PALMD: variants seen among roughly 807,000 people sequenced by gnomAD.
PALMD encodes the protein palmdelphin, also known as paralemmin-like protein.
Under a neutral mutation model 56.2 loss-of-function variants are expected in PALMD, and 42 were observed. That is an observed-to-expected ratio of 0.75 (90% CI 0.58 to 0.97). The LOEUF (loss-of-function observed/expected upper bound fraction) is 0.97. Among genes scored for constraint, PALMD ranks in the 50% least tolerant of loss-of-function variants. The pLI is 0.00. For missense variants in PALMD, 660 were observed against 643.8 expected (o/e 1.03, Z -0.27); for synonymous variants, 242 against 222.9 (o/e 1.09, Z -0.76).
Position 99,646,907 on chromosome 1 carries a change from G to A in PALMD, c.45+545G>A, listed in dbSNP as rs1051451401. ...TAAGCATTAAACAAGAGAAAACTAG[G>A]TAAAAGCACGTATCAGATTAATTCT... On this transcript the variant is annotated intron_variant, in intron 1 of 7. Transcript: ENST00000263174. Among the ~76,000 whole-genome samples, 9 of 152,034 alleles carry A rather than the reference G, an allele frequency of 5.9e-5. No individual in the cohort carries two copies. In the South Asian group the frequency reaches 1.9e-3, roughly 32 times the overall value.
chr1:99,666,519 A>G (rs1298699431), intron 2 of PALMD, among the ~76,000 whole-genome samples: 1 of 152,152 alleles, frequency 6.6e-6, no homozygotes, highest in Non-Finnish European at 1.5e-5. Context: ...ACAAACACAC[A>G]AAGTTATTCT....
rs748165851 is a variant in PALMD, at chr1:99,686,783, T to G, written c.359T>G (p.Ile120Ser). The G allele has an allele frequency of 7.8e-6, 12 of 1,543,878 alleles. No homozygotes were observed. The Admixed American group carries it at 2.1e-4, about 26-fold the overall frequency. The change falls in exon 4 of 8, where the codon ATT (isoleucine) becomes AGT (serine). Residue 120 changes from isoleucine (I) to serine (S), a missense_variant. Physicochemically the swap from Ile to Ser is moderately radical, Grantham distance 142. Coordinates refer to ENST00000263174, the MANE Select transcript of PALMD (RefSeq NM_017734.5). The stretch of plus-strand genomic sequence containing the variant: ...TCAATTGAGCGGACAACAGAAGACA[T>G]TATAAGAGTGAGCATTAACCAATTT... ...LKSIERTTED[I>S]IRSVKVEREE...
chr1:99,646,249 C>A lies in PALMD; in HGVS notation c.-69C>A. On this transcript the variant is annotated 5_prime_UTR_variant, in exon 1 of 8. Coordinates refer to ENST00000263174, the MANE Select transcript of PALMD (RefSeq NM_017734.5). ...TCTTCTGTCACCCCCGCTCCTCTCCCCCAGGAGGCTCCTTGATTTATGGTA... is the reference window on the plus strand; with the variant it reads ...TCTTCTGTCACCCCCGCTCCTCTCCACCAGGAGGCTCCTTGATTTATGGTA... 7.9e-7 allele frequency: 1 copy of A among 1,268,078 alleles called. No homozygotes were observed. The highest frequency in any genetic ancestry group is 1.2e-5 in the South Asian group (1 of 84,064). 78.6% of individuals were successfully genotyped at this position (1,268,078 alleles called of 1,614,324 possible).
In PALMD at chr1:99,694,229, C is replaced by T. The variant is rs950803455; in HGVS notation, c.*167C>T. 4.0e-5 allele frequency: 18 copies of T among 453,668 alleles called. No individual in the cohort carries two copies. In the East Asian group the frequency reaches 4.3e-4, roughly 11 times the overall value. The allele number at this position is 453,668 out of a possible 1,614,324, so 28.1% of individuals were successfully genotyped here. ...TAGTAGTCATTATTTGTGAAAAATT[C>T]CCAAAAAGCTGGGGAAAACAAATGT... On this transcript the variant is annotated 3_prime_UTR_variant, in exon 8 of 8. Transcript: ENST00000263174.
intron 1 of PALMD, among the ~76,000 whole-genome samples, chr1:99,660,283 T>C (rs1362110646): frequency 1.3e-5 from 2 of 152,196 alleles, no homozygotes; most frequent in Non-Finnish European, 2.9e-5. Context: ...GCACAGTGAA[T>C]TGGCTAGGAG....
chr1:99,680,686 G>A (rs1653321436), intron 3 of PALMD, among the ~76,000 whole-genome samples: 1 of 152,098 alleles, frequency 6.6e-6, no homozygotes, highest in South Asian at 2.1e-4. Flanking sequence ...GTGAAAGTTA[G>A]AGAGTTACCC....
chr1:99,646,405 G>GA lies in PALMD; in HGVS notation c.45+44dup. The GA allele has an allele frequency of 2.0e-6, 3 of 1,499,886 alleles. No individual in the cohort carries two copies. In the African/African-American group the frequency reaches 4.1e-5, roughly 21 times the overall value. 92.9% of individuals were successfully genotyped at this position (1,499,886 alleles called of 1,614,324 possible). A position where few individuals can be genotyped will look rare whatever the true frequency, so the allele number is the denominator to read the frequency against. ...TATAACTCATTAACGTTGTTACTTAGAGGAAGGCAGACCGTGGCCGGCTGC... is the reference window on the plus strand; with the variant it reads ...TATAACTCATTAACGTTGTTACTTAGAAGGAAGGCAGACCGTGGCCGGCTGC... On this transcript the variant is annotated intron_variant, in intron 1 of 7. Coordinates refer to ENST00000263174, the MANE Select transcript of PALMD (RefSeq NM_017734.5).
intron 3 of PALMD, among the ~76,000 whole-genome samples, chr1:99,673,492 G>A (rs1455437028): frequency 6.6e-6 from 1 of 151,704 alleles, no homozygotes; most frequent in African/African-American, 2.4e-5. Context: ...AAAAAAAAGA[G>A]GCGAAAAAAA....
At chr1:99,683,057 AG>A (rs1437529723) in intron 3 of PALMD, among the ~76,000 whole-genome samples, 186 of 11,106 alleles carry the variant, frequency 0.017, 27 homozygotes, top group African/African-American at 0.035. Flanking sequence ...AGAAAGAAAG[AG>A]AGAGAGAGAG....
intron 3 of PALMD, among the ~76,000 whole-genome samples, chr1:99,683,066 G>A (rs374428125): frequency 0.024 from 403 of 16,500 alleles, 47 homozygotes; most frequent in East Asian, 0.098. Context: ...GAGAGAGAGA[G>A]AGAGAGAGAG....
chr1:99,667,703 AG>A lies in PALMD; in HGVS notation c.189del (p.Met64Ter). 3 of 1,613,416 alleles carry A rather than the reference AG, an allele frequency of 1.9e-6. No homozygotes were observed. The highest frequency in any genetic ancestry group is 2.5e-6 in the Non-Finnish European group (3 of 1,179,454). On this transcript the variant is annotated frameshift_variant, in exon 3 of 8. Coordinates refer to ENST00000263174, the MANE Select transcript of PALMD (RefSeq NM_017734.5). LOFTEE classifies it high-confidence loss of function. ...ATCAGCAGCGGAAAAGAACAGGAAG[AG>A]ATGAAGAAGCAAAATCAACAAGACC... is the stretch of plus-strand genomic sequence containing the variant. The part of the protein sequence containing the change: ...DGISSGKEQE[E>X]MKKQNQQDQH...
intron 3 of PALMD, chr1:99,685,327 T>G (rs898959737): frequency 2.0e-5 from 3 of 152,156 alleles, no homozygotes; most frequent in African/African-American, 7.2e-5. Flanking sequence ...AGCTTTCCCC[T>G]TTACCAAATT....
chr1:99,689,202 A>T lies in PALMD; in HGVS notation c.942A>T (p.Gly314=). ...GCAATGGTCTTTCAGAGGAAAGGGG[A>T]AACAACTTCAATCACATCAGTCCCA... The part of the protein sequence containing the change: ...NMGNGLSEER[G]NNFNHISPIP... Residue 314 remains glycine (G), a synonymous_variant, in exon 7 of 8, where the codon GGA becomes GGT. Coordinates refer to ENST00000263174, the MANE Select transcript of PALMD (RefSeq NM_017734.5). The T allele has an allele frequency of 6.2e-7, 1 of 1,613,526 alleles. No individual in the cohort carries two copies. Among genetic ancestry groups the T allele is most frequent in the Non-Finnish European group, 8.5e-7 (1 of 1,179,732 alleles).
intron 2 of PALMD, among the ~76,000 whole-genome samples, chr1:99,663,216 G>T (rs2100859663): frequency 6.6e-6 from 1 of 152,102 alleles, no homozygotes; most frequent in East Asian, 1.9e-4. Context: ...ACAAGTACCT[G>T]CCTCTGAAAA....
At chr1:99,667,484 A>T (rs1266325477) in intron 2 of PALMD, 158 bp from the exon 3 acceptor site, 2 of 680,362 alleles carry the variant, frequency 2.9e-6, no homozygotes, top group Non-Finnish European at 5.2e-6. Flanking sequence ...GAAGGTTACA[A>T]TGAAAGAAAA....
At chr1:99,683,596 T>C (rs1200805343) in intron 3 of PALMD, 1 of 152,226 alleles carries the variant, frequency 6.6e-6, no homozygotes, top group African/African-American at 2.4e-5. Context: ...TTCTCACCCT[T>C]CTACTGGCAA....
Position 99,646,158 on chromosome 1 carries a change from G to T in PALMD, c.-160G>T, listed in dbSNP as rs914115207. ...CTGATCTGTGCATCTGCTCGGAGACGCTCCTGACAAGTCGGGAATTTCTCT... is the reference window on the plus strand; with the variant it reads ...CTGATCTGTGCATCTGCTCGGAGACTCTCCTGACAAGTCGGGAATTTCTCT... On this transcript the variant is annotated 5_prime_UTR_variant, in exon 1 of 8. Transcript: ENST00000263174. The T allele has an allele frequency of 2.0e-5, 13 of 637,558 alleles. 1 individual carries two copies. Among genetic ancestry groups the T allele is most frequent in the African/African-American group, 1.7e-4 (9 of 54,526 alleles). The allele number at this position is 637,558 out of a possible 1,614,324, so 39.5% of individuals were successfully genotyped here.
chr1:99,673,637 A>T (rs948315220), intron 3 of PALMD, among the ~76,000 whole-genome samples: 11 of 152,188 alleles, frequency 7.2e-5, no homozygotes, highest in Non-Finnish European at 1.3e-4. Flanking sequence ...GGTTTACCAG[A>T]TTTGTAATAG....
chr1:99,684,551 C>T (rs1653444608), intron 3 of PALMD: 1 of 151,276 alleles, frequency 6.6e-6, no homozygotes, highest in Non-Finnish European at 1.5e-5. Context: ...TAGCCCAGAT[C>T]TCACTCTGTT....
Sources: gnomAD v4.1 joint callset for allele counts (sites outside exome capture counted in the v4.1 genomes callset) on GRCh38, gnomAD v4.1.1 for gene constraint, MANE v1.5 for transcripts, NCBI Gene and HGNC (gene_info 2026-07-23, HGNC 2026-07-21) for gene names.